SOCS6: variants seen among roughly 807,000 people sequenced by gnomAD.
SOCS6 encodes suppressor of cytokine signaling 6, also known as STAT induced STAT inhibitor-4.
Under a neutral mutation model 27.7 loss-of-function variants are expected in SOCS6, and 5 were observed. That is an observed-to-expected ratio of 0.18 (90% CI 0.09 to 0.38). The LOEUF (loss-of-function observed/expected upper bound fraction) is 0.38, where lower values mean the gene tolerates loss of function less well. SOCS6 is among the 10% of genes least tolerant of loss of function. SOCS6 has a pLI of 1.00. For missense variants in SOCS6, 595 were observed against 688.1 expected, an observed-to-expected ratio of 0.86 and a Z score of 1.51; for synonymous variants, 271 against 260.0, an observed-to-expected ratio of 1.04 and a Z score of -0.41.
Position 70,325,188 on chromosome 18 carries a change from G to A in SOCS6, c.520G>A (p.Asp174Asn). 12 of 1,614,128 alleles carry A rather than the reference G, an allele frequency of 7.4e-6. No homozygotes were observed. Among genetic ancestry groups the A allele is most frequent in the Non-Finnish European group, 1.0e-5 (12 of 1,179,996 alleles). ...TCCAGCCCTGAATGGCGTCCGGAAG[G>A]ATTTCCACGACCTCCAGTCTGAGAC... ...PSPALNGVRK[D>N]FHDLQSETTC... Residue 174 changes from aspartate (D) to asparagine (N), a missense_variant, in exon 2 of 2, where the codon GAT (aspartate) becomes AAT (asparagine). Asp to Asn is a conservative substitution (Grantham distance 23). This residue lies in a region of SOCS6 where 467 missense variants were observed against 481.1 expected (regional missense o/e 0.97). Transcript: ENST00000397942. The surrounding 1 kb of genome is among the most constrained non-coding windows in gnomAD (Gnocchi z 6.3).
chr18:70,307,122 G>A (rs1475137491), intron 1 of SOCS6, among the ~76,000 whole-genome samples: 1 of 152,132 alleles, frequency 6.6e-6, no homozygotes, highest in South Asian at 2.1e-4. Context: ...AATTAGCCGG[G>A]TGTGCTGGTG....
intron 1 of SOCS6, among the ~76,000 whole-genome samples, chr18:70,323,771 C>T (rs139092740): frequency 1.3e-5 from 2 of 152,262 alleles, no homozygotes; most frequent in African/African-American, 4.8e-5. Context: ...AAATATGCAT[C>T]AGTTGTTGAG....
At chr18:70,304,114 A>G (rs1325636251) in intron 1 of SOCS6, among the ~76,000 whole-genome samples, 2 of 152,210 alleles carry the variant, frequency 1.3e-5, no homozygotes, top group African/African-American at 2.4e-5. Context: ...TTTTAAGACA[A>G]TAGAAGGGGC....
At chr18:70,289,487 C>T (rs1323903489) in intron 1 of SOCS6, among the ~76,000 whole-genome samples, 1 of 147,214 alleles carries the variant, frequency 6.8e-6, no homozygotes, top group East Asian at 2.0e-4. Context: ...GCCTTTGTTG[C>T]CCGCAGCTCG....
intron 1 of SOCS6, among the ~76,000 whole-genome samples, chr18:70,300,837 T>G (rs9966831): frequency 0.68 from 103,717 of 151,946 alleles, 35,715 homozygotes; most frequent in East Asian, 0.91. Context: ...AAATTATTTG[T>G]CAACTTTAAG....
At chr18:70,306,546 G>C (rs2062370532) in intron 1 of SOCS6, among the ~76,000 whole-genome samples, 1 of 151,240 alleles carries the variant, frequency 6.6e-6, no homozygotes, top group Non-Finnish European at 1.5e-5. Flanking sequence ...AATAAAGATG[G>C]TTTTATTTCT....
At position 70,305,229 on chromosome 18, in the gene SOCS6, T is replaced by A. The variant is rs546128118; in HGVS notation, c.-127+16139T>A. Among the ~76,000 whole-genome samples, 37 of 152,148 alleles carry A rather than the reference T, an allele frequency of 2.4e-4. 1 individual carries two copies. The highest frequency in any genetic ancestry group is 4.3e-4 in the Non-Finnish European group (29 of 68,030). On this transcript the variant is annotated intron_variant, in intron 1 of 1. Coordinates refer to ENST00000397942, the MANE Select transcript of SOCS6 (RefSeq NM_004232.4). ...TCTCAAAAAGAAAAAAAAAAAAGTT[T>A]TATAGTTTTAGTTCATACATTTAGG...
At chr18:70,290,496 GCTTT>G (rs528278102) in intron 1 of SOCS6, among the ~76,000 whole-genome samples, 16 of 152,198 alleles carry the variant, frequency 1.1e-4, no homozygotes, top group Non-Finnish European at 1.9e-4. Context: ...TTTTCCGTGG[GCTTT>G]CTAATTTCTC....
At chr18:70,305,750 A>G (rs2062366587) in intron 1 of SOCS6, among the ~76,000 whole-genome samples, 1 of 152,142 alleles carries the variant, frequency 6.6e-6, no homozygotes, top group Non-Finnish European at 1.5e-5. Flanking sequence ...TGTAGTTTTG[A>G]CTGTATGAAT....
intron 1 of SOCS6, among the ~76,000 whole-genome samples, chr18:70,310,097 ATATATT>A (rs966281066): frequency 3.3e-5 from 5 of 152,230 alleles, no homozygotes; most frequent in Admixed American, 1.3e-4. Context: ...AATGAAAAAA[ATATATT>A]TATAGTATTT....
At chr18:70,290,059 G>A (rs1265106843) in intron 1 of SOCS6, among the ~76,000 whole-genome samples, 1 of 152,158 alleles carries the variant, frequency 6.6e-6, no homozygotes, top group Non-Finnish European at 1.5e-5. Flanking sequence ...CAGTCTTCCG[G>A]TAGCAAAATA....
intron 1 of SOCS6, among the ~76,000 whole-genome samples, chr18:70,315,287 C>T (rs1351062753): frequency 6.6e-6 from 1 of 151,960 alleles, no homozygotes; most frequent in Admixed American, 6.6e-5. Context: ...CTTTATTGTC[C>T]TCCCCTTTTT....
intron 1 of SOCS6, among the ~76,000 whole-genome samples, chr18:70,289,548 C>T (rs1424208054): frequency 2.0e-5 from 3 of 146,816 alleles, no homozygotes; most frequent in African/African-American, 7.4e-5. Context: ...GCGGGGCCTG[C>T]GCGGCTCTGC....
At position 70,324,973 on chromosome 18, in the gene SOCS6, A is replaced by ACACCTT; in HGVS notation, c.307_312dup (p.Thr103_Phe104dup). Reference sequence around the variant, plus strand: ...CCCTCTGGGAGCTCTGCCGACGAGGACACCTTCTCCTCCTCCTCAGCACCC... The same window carrying ACACCTT: ...CCCTCTGGGAGCTCTGCCGACGAGGACACCTTCACCTTCTCCTCCTCCTCAGCACCC... On this transcript the variant is annotated inframe_insertion, in exon 2 of 2. Coordinates refer to ENST00000397942, the MANE Select transcript of SOCS6 (RefSeq NM_004232.4). 5 of 1,613,760 alleles carry ACACCTT rather than the reference A, an allele frequency of 3.1e-6. No homozygotes were observed. The highest frequency in any genetic ancestry group is 4.2e-6 in the Non-Finnish European group (5 of 1,179,878).
chr18:70,308,052 C>A (rs2062376427), intron 1 of SOCS6, among the ~76,000 whole-genome samples: 1 of 151,984 alleles, frequency 6.6e-6, no homozygotes, highest in African/African-American at 2.4e-5. Context: ...CTAACTTTTC[C>A]TTGTGATTTT....
At chr18:70,303,907 A>G (rs2062358551) in intron 1 of SOCS6, among the ~76,000 whole-genome samples, 1 of 152,226 alleles carries the variant, frequency 6.6e-6, no homozygotes, top group African/African-American at 2.4e-5. Context: ...TTTAATTTGT[A>G]TATCTCTGAT....
intron 1 of SOCS6, among the ~76,000 whole-genome samples, chr18:70,305,741 G>C (rs1428187949): frequency 6.6e-6 from 1 of 152,154 alleles, no homozygotes; most frequent in Non-Finnish European, 1.5e-5. Context: ...GCAGTGTTTT[G>C]TAGTTTTGAC....
At chr18:70,321,902 T>C (rs1326375765) in intron 1 of SOCS6, among the ~76,000 whole-genome samples, 1 of 152,224 alleles carries the variant, frequency 6.6e-6, no homozygotes, top group African/African-American at 2.4e-5. Flanking sequence ...CCAGTCTCTC[T>C]GATAACCAGT....
chr18:70,290,592 C>G (rs1431612809), intron 1 of SOCS6, among the ~76,000 whole-genome samples: 2 of 152,184 alleles, frequency 1.3e-5, no homozygotes, highest in African/African-American at 2.4e-5. Flanking sequence ...GGCCTTAACC[C>G]TTTGGTTCAA....
Sources: gnomAD v4.1 joint callset for allele counts (sites outside exome capture counted in the v4.1 genomes callset) on GRCh38, gnomAD v4.1.1 for gene constraint, gnomAD v4.1.1 regional missense constraint, Gnocchi (gnomAD v3.1) non-coding constraint, MANE v1.5 for transcripts, NCBI Gene and HGNC (gene_info 2026-07-23, HGNC 2026-07-21) for gene names.